Variants in EMSY observed in about 807,000 individuals in gnomAD.
The protein encoded by EMSY is BRCA2-interacting transcriptional repressor EMSY.
In EMSY, 26 loss-of-function variants were observed where a neutral mutation model predicts 134.6. The observed-to-expected ratio is 0.19, with a 90% CI of 0.14 to 0.27. EMSY has a LOEUF of 0.27. Ranked by LOEUF, EMSY falls within the 10% of genes least tolerant of loss-of-function variation. The pLI is 1.00. For missense variants in EMSY, 1,305 were observed against 1,611.4 expected, an observed-to-expected ratio of 0.81 and a Z score of 3.26; for synonymous variants, 579 against 577.8, an observed-to-expected ratio of 1.00 and a Z score of -0.03.
chr11:76,456,812 T>C (rs1446789659), intron 4 of EMSY, among the ~76,000 whole-genome samples: 5 of 152,192 alleles, frequency 3.3e-5, no homozygotes, highest in Non-Finnish European at 5.9e-5. Flanking sequence ...AATCCTTAAA[T>C]TGTAAAAGTG....
chr11:76,529,225 T>G (rs1176843271), intron 14 of EMSY, among the ~76,000 whole-genome samples: 1 of 152,194 alleles, frequency 6.6e-6, no homozygotes, highest in Non-Finnish European at 1.5e-5. Flanking sequence ...ATGTCTGTGC[T>G]TATGTGCTCT....
At chr11:76,493,165 T>C (rs1174291465) in intron 8 of EMSY, among the ~76,000 whole-genome samples, 1 of 152,150 alleles carries the variant, frequency 6.6e-6, no homozygotes, top group Admixed American at 6.5e-5. Context: ...AGGCCTAGCC[T>C]GGGTGCTGTT....
chr11:76,496,846 T>C (rs1449605542), intron 9 of EMSY: 1 of 308,588 alleles, frequency 3.2e-6, no homozygotes, highest in Non-Finnish European at 6.2e-6. Context: ...AGGGACAGTT[T>C]TGTTTCTTCC....
At chr11:76,531,993 T>C (rs973790323) in intron 14 of EMSY, among the ~76,000 whole-genome samples, 2 of 152,164 alleles carry the variant, frequency 1.3e-5, no homozygotes. Context: ...TAGAATATCA[T>C]CACCCTATTT....
At chr11:76,514,962 TAA>T (rs1447937944) in intron 10 of EMSY, among the ~76,000 whole-genome samples, 1 of 152,196 alleles carries the variant, frequency 6.6e-6, no homozygotes, top group Non-Finnish European at 1.5e-5. Context: ...TGTGTTATAA[TAA>T]GTGTTTCTTT....
At chr11:76,488,819 G>C (rs1949298904) in intron 8 of EMSY, among the ~76,000 whole-genome samples, 1 of 151,930 alleles carries the variant, frequency 6.6e-6, no homozygotes, top group Admixed American at 6.6e-5. Flanking sequence ...CTTTTTTCTT[G>C]GGTAATTCTC....
exon 7 of EMSY, chr11:76,463,842 A>G: frequency 1.9e-6 from 3 of 1,614,194 alleles, no homozygotes; most frequent in South Asian, 1.1e-5. Context: ...TCAGATGAAG[A>G]TGAAAAACCC....
Position 76,513,543 on chromosome 11 carries a change from C to A in EMSY, c.1513+8C>A. 1 of 1,612,198 alleles carries A rather than the reference C, an allele frequency of 6.2e-7. No individual in the cohort carries two copies. ...TGGTAACCACTCCTACTGGTAAGTT[C>A]TCTTGAGCATCAGTTCATTTATTCA... On this transcript the variant is annotated splice_region_variant and intron_variant, in intron 10 of 20. Transcript: ENST00000334736.
intron 2 of EMSY, 141 bp downstream of exon 2, chr11:76,447,149 G>T: frequency 1.3e-6 from 1 of 748,494 alleles, no homozygotes; most frequent in Admixed American, 2.9e-5. Flanking sequence ...CTTACTCATT[G>T]TTGTTTCCCT....
chr11:76,535,763 C>T (rs2136526569), intron 14 of EMSY, 132 bp from the exon 16 acceptor site: 1 of 668,188 alleles, frequency 1.5e-6, no homozygotes, highest in East Asian at 3.2e-5. Flanking sequence ...TTATAGTCTT[C>T]TTGGGGAGAT....
At chr11:76,502,698 T>C (rs1764530880) in intron 9 of EMSY, among the ~76,000 whole-genome samples, 1 of 152,158 alleles carries the variant, frequency 6.6e-6, no homozygotes. Context: ...CCATTTATAA[T>C]AGCACCAAAA....
chr11:76,547,143 A>G (rs1951682849), intron 20 of EMSY: 1 of 441,002 alleles, frequency 2.3e-6, no homozygotes, highest in Non-Finnish European at 4.5e-6. Context: ...TTTGCTAAAC[A>G]GATATATAGC....
chr11:76,477,345 T>C (rs1338037126), intron 8 of EMSY, among the ~76,000 whole-genome samples: 1 of 151,282 alleles, frequency 6.6e-6, no homozygotes, highest in East Asian at 1.9e-4. Flanking sequence ...TTATTTATAA[T>C]TATATAACAT....
At chr11:76,492,293 G>C (rs1949454573) in intron 8 of EMSY, among the ~76,000 whole-genome samples, 1 of 152,066 alleles carries the variant, frequency 6.6e-6, no homozygotes, top group African/African-American at 2.4e-5. Flanking sequence ...GGCCAACATG[G>C]TGAAACCTCT....
At chr11:76,455,566 A>T (rs1015809712) in intron 4 of EMSY, among the ~76,000 whole-genome samples, 3 of 151,498 alleles carry the variant, frequency 2.0e-5, no homozygotes, top group East Asian at 1.9e-4. Context: ...CCCTCCCCCC[A>T]CTCAAAATAG....
chr11:76,472,241 G>A (rs960644939), intron 7 of EMSY, among the ~76,000 whole-genome samples: 2 of 152,052 alleles, frequency 1.3e-5, no homozygotes, highest in South Asian at 2.1e-4. Flanking sequence ...ATTTATAAAC[G>A]AATGAATGTT....
exon 20 of EMSY, chr11:76,545,949 G>A (rs2136819992): frequency 6.2e-7 from 1 of 1,614,198 alleles, no homozygotes; most frequent in Non-Finnish European, 8.5e-7. Context: ...AGGCCTCTGA[G>A]AAGACAGCAG....
chr11:76,504,954 AATCTACAGACAGAAAAT>A (rs1950014648), intron 9 of EMSY, among the ~76,000 whole-genome samples: 4 of 152,308 alleles, frequency 2.6e-5, no homozygotes, highest in African/African-American at 9.6e-5. Flanking sequence ...AAATTACAGA[AATCTACAGACAGAAAAT>A]AACTAGTGGT....
intron 6 of EMSY, among the ~76,000 whole-genome samples, chr11:76,461,973 A>G (rs976035319): frequency 6.6e-6 from 1 of 151,998 alleles, no homozygotes; most frequent in African/African-American, 2.4e-5. Flanking sequence ...ATGGTGGCTC[A>G]TGCCTGTAAT....
Sources: gnomAD v4.1 joint callset for allele counts (sites outside exome capture counted in the v4.1 genomes callset) on GRCh38, gnomAD v4.1.1 for gene constraint, MANE v1.5 for transcripts, NCBI Gene and HGNC (gene_info 2026-07-23, HGNC 2026-07-21) for gene names.